Variants in PPP3CA observed in about 807,000 individuals in gnomAD.
PPP3CA encodes CAM-PRP catalytic subunit.
In PPP3CA, 14 loss-of-function variants were observed where a neutral mutation model predicts 66.5. That is an observed-to-expected ratio of 0.21 (90% CI 0.14 to 0.33). The LOEUF is 0.33. Among genes scored for constraint, PPP3CA ranks in the 10% least tolerant of loss-of-function variants. The pLI, the probability that PPP3CA is intolerant of heterozygous loss-of-function variation, is 1.00. For missense variants in PPP3CA, 317 were observed against 639.5 expected, an observed-to-expected ratio of 0.50 and a Z score of 5.44; for synonymous variants, 232 against 226.2, an observed-to-expected ratio of 1.03 and a Z score of -0.23.
intron 8 of PPP3CA, among the ~76,000 whole-genome samples, chr4:101,067,401 T>A (rs1203258611): frequency 6.6e-6 from 1 of 152,022 alleles, no homozygotes; most frequent in Non-Finnish European, 1.5e-5. Context: ...TGGTTCCCTG[T>A]ACATAGTGAA....
chr4:101,231,124 C>T (rs1031482072), intron 1 of PPP3CA, among the ~76,000 whole-genome samples: 2 of 151,624 alleles, frequency 1.3e-5, no homozygotes, highest in African/African-American at 4.8e-5. Flanking sequence ...TCTTCTTTCC[C>T]ACCTCCACTT....
chr4:101,091,003 G>A (rs1729912078), intron 6 of PPP3CA, among the ~76,000 whole-genome samples: 1 of 151,058 alleles, frequency 6.6e-6, no homozygotes. Context: ...ATACACATCT[G>A]TGTCTAATGC....
At chr4:101,241,253 C>G (rs1229583334) in intron 1 of PPP3CA, among the ~76,000 whole-genome samples, 1 of 152,046 alleles carries the variant, frequency 6.6e-6, no homozygotes, top group African/African-American at 2.4e-5. Context: ...CCTTTGCACT[C>G]CTATGGAAAG....
chr4:101,139,279 G>A (rs1227125546), intron 2 of PPP3CA, among the ~76,000 whole-genome samples: 14 of 151,522 alleles, frequency 9.2e-5, no homozygotes, highest in African/African-American at 3.4e-4. Context: ...CCCAGGAGGC[G>A]GAGCTTGCAG....
At chr4:101,186,928 C>A (rs1297124344) in intron 2 of PPP3CA, among the ~76,000 whole-genome samples, 2 of 152,092 alleles carry the variant, frequency 1.3e-5, no homozygotes, top group South Asian at 2.1e-4. Context: ...GCAATAACAA[C>A]AAAAATTTAC....
In PPP3CA at chr4:101,024,270, C is replaced by T. The variant is rs890072141; in HGVS notation, c.*1595G>A. On this transcript the variant is annotated 3_prime_UTR_variant, in exon 14 of 14. Coordinates refer to ENST00000394854, the MANE Select transcript of PPP3CA (RefSeq NM_000944.5). The stretch of plus-strand genomic sequence containing the variant: ...GTGGTGGGCCAGCACCTAGAAGACA[C>T]ATGGTGGTTGTGCACATAAATCCCT... 5.2e-5 allele frequency: 8 copies of T among 152,406 alleles called. No homozygotes were observed. The highest frequency in any genetic ancestry group is 4.6e-4 in the Admixed American group (7 of 15,272). The allele number at this position is 152,406 out of a possible 1,614,324, so 9.4% of individuals were successfully genotyped here.
chr4:101,269,017 T>C (rs546754557), intron 1 of PPP3CA, among the ~76,000 whole-genome samples: 2 of 152,182 alleles, frequency 1.3e-5, no homozygotes, highest in Non-Finnish European at 2.9e-5. Flanking sequence ...TCATTTATCA[T>C]GTCTAATTGT....
At chr4:101,144,513 G>A (rs879046570) in intron 2 of PPP3CA, among the ~76,000 whole-genome samples, 1 of 152,080 alleles carries the variant, frequency 6.6e-6, no homozygotes, top group Admixed American at 6.5e-5. Context: ...TTTATCAGAA[G>A]TTACTGCCTT....
At chr4:101,037,529 C>G (rs868718569) in intron 11 of PPP3CA, among the ~76,000 whole-genome samples, 1 of 152,154 alleles carries the variant, frequency 6.6e-6, no homozygotes, top group East Asian at 1.9e-4. Context: ...GCACTTCTCT[C>G]CCCATAGCCT....
intron 1 of PPP3CA, among the ~76,000 whole-genome samples, chr4:101,216,081 T>C (rs953394558): frequency 3.9e-5 from 6 of 152,228 alleles, no homozygotes; most frequent in Non-Finnish European, 7.4e-5. Flanking sequence ...ATTTAATATC[T>C]AATAGAAGAA....
Position 101,347,474 on chromosome 4 carries a change from A to C in PPP3CA, c.-678T>G. 1.3e-5 allele frequency: 2 copies of C among 156,276 alleles called. No homozygotes were observed. Among genetic ancestry groups the C allele is most frequent in the African/African-American group, 5.2e-5 (2 of 38,182 alleles). The allele number at this position is 156,276 out of a possible 1,614,324, so 9.7% of individuals were successfully genotyped here. ...CTCTGCCTCCCCGCGCCGCTCCTCC[A>C]CTCACCAAGGCACAGCCGCCGAGCT... On this transcript the variant is annotated 5_prime_UTR_variant, in exon 1 of 14. Coordinates refer to ENST00000394854, the MANE Select transcript of PPP3CA (RefSeq NM_000944.5).
At chr4:101,239,087 C>T (rs571980674) in intron 1 of PPP3CA, among the ~76,000 whole-genome samples, 1 of 152,218 alleles carries the variant, frequency 6.6e-6, no homozygotes, top group African/African-American at 2.4e-5. Context: ...CTGAGCCCCA[C>T]AGGCAGAACT....
chr4:101,292,398 A>G (rs115523359), intron 1 of PPP3CA, among the ~76,000 whole-genome samples: 1,877 of 152,200 alleles, frequency 0.012, 33 homozygotes, highest in African/African-American at 0.043. Flanking sequence ...AACAGCTGAG[A>G]GCTTATCAGA....
intron 2 of PPP3CA, among the ~76,000 whole-genome samples, chr4:101,163,350 T>C (rs1196308659): frequency 6.6e-6 from 1 of 152,166 alleles, no homozygotes; most frequent in Non-Finnish European, 1.5e-5. Context: ...TTTGTTGTTG[T>C]TCGCCCTGAG....
chr4:101,112,007 CT>C (rs1438583153), intron 2 of PPP3CA, among the ~76,000 whole-genome samples: 1 of 151,984 alleles, frequency 6.6e-6, no homozygotes. Context: ...CTTCTTGTAT[CT>C]TTTTTACTCT....
chr4:101,287,537 C>T (rs1727883163), intron 1 of PPP3CA, among the ~76,000 whole-genome samples: 1 of 152,172 alleles, frequency 6.6e-6, no homozygotes, highest in Non-Finnish European at 1.5e-5. Context: ...CAGCCCAACT[C>T]TAGGCATGTG....
At chr4:101,228,977 C>A (rs1190762210) in intron 1 of PPP3CA, among the ~76,000 whole-genome samples, 1 of 151,542 alleles carries the variant, frequency 6.6e-6, no homozygotes, top group Admixed American at 6.6e-5. Flanking sequence ...ATTGGACAAC[C>A]AGCATGCAAA....
chr4:101,047,702 C>T (rs372054927), intron 10 of PPP3CA, among the ~76,000 whole-genome samples: 10 of 151,984 alleles, frequency 6.6e-5, no homozygotes, highest in African/African-American at 1.9e-4. Context: ...GTGATCCTAC[C>T]GCCTCAGTCT....
In PPP3CA at chr4:101,032,260, T is replaced by C; in HGVS notation, c.1339+7A>G. On this transcript the variant is annotated splice_region_variant and intron_variant, in intron 12 of 13. Transcript: ENST00000394854. ...CAGCACACAGTCATACCCATCAGCC[T>C]GCTTACCGCTTTGCAGGGTTTGCTT... 6.3e-7 allele frequency: 1 copy of C among 1,589,418 alleles called. No individual in the cohort carries two copies. Among genetic ancestry groups the C allele is most frequent in the Non-Finnish European group, 8.6e-7 (1 of 1,168,962 alleles).
Sources: allele counts gnomAD v4.1 joint callset (sites outside exome capture counted in the v4.1 genomes callset), GRCh38; gene constraint gnomAD v4.1.1; transcripts MANE v1.5; gene names NCBI Gene and HGNC (gene_info 2026-07-23, HGNC 2026-07-21).